The following RAB3GAP1 variants were observed in gnomAD, a reference collection of about 807,000 sequenced individuals.
RAB3GAP1 encodes rab3 GTPase-activating protein catalytic subunit.
RAB3GAP1 carries 86 observed loss-of-function variants against 130.7 expected under a neutral mutation model. The observed-to-expected ratio is 0.66, with a 90% confidence interval of 0.55 to 0.79. The LOEUF (loss-of-function observed/expected upper bound fraction) is 0.79, where lower values mean the gene tolerates loss of function less well. Ranked by LOEUF, RAB3GAP1 falls within the 30% of genes least tolerant of loss-of-function variation. The pLI is 0.00. For synonymous variants in RAB3GAP1, 367 were observed against 401.7 expected, an observed-to-expected ratio of 0.91 and a Z score of 1.03; for missense variants, 1,029 against 1,169.4, an observed-to-expected ratio of 0.88 and a Z score of 1.75.
intron 16 of RAB3GAP1, 24 bp downstream of exon 16, chr2:135,135,343 A>AT: frequency 6.4e-7 from 1 of 1,572,490 alleles, no homozygotes; most frequent in Non-Finnish European, 8.8e-7. Flanking sequence ...AATGACATGG[A>AT]TAAATGTGGT....
At chr2:135,124,667 AAAAAGAAAG>A (rs1376523621) in intron 9 of RAB3GAP1, among the ~76,000 whole-genome samples, 1 of 151,778 alleles carries the variant, frequency 6.6e-6, no homozygotes, top group Non-Finnish European at 1.5e-5. Context: ...TCCGTCTCAA[AAAAAGAAAG>A]AAAGACCTAC....
At chr2:135,080,113 T>G (rs1448381015) in intron 3 of RAB3GAP1, among the ~76,000 whole-genome samples, 2 of 95,920 alleles carry the variant, frequency 2.1e-5, no homozygotes, top group East Asian at 5.7e-4. Flanking sequence ...CGAGACTCCG[T>G]CTCAAAAAAA....
At chr2:135,152,256 AGGAGAG>A (rs1692197852) in intron 18 of RAB3GAP1, among the ~76,000 whole-genome samples, 1 of 152,218 alleles carries the variant, frequency 6.6e-6, no homozygotes, top group Non-Finnish European at 1.5e-5. Context: ...GAGTTCCAGA[AGGAGAG>A]GGTGGATTCT....
chr2:135,064,826 C>A (rs560912642), intron 3 of RAB3GAP1, among the ~76,000 whole-genome samples: 1 of 143,476 alleles, frequency 7.0e-6, no homozygotes, highest in Non-Finnish European at 1.5e-5. Context: ...AATGTAGAGA[C>A]GAAATGTAGT....
intron 5 of RAB3GAP1, among the ~76,000 whole-genome samples, chr2:135,098,376 A>T (rs1690359899): frequency 6.6e-6 from 1 of 152,164 alleles, no homozygotes; most frequent in African/African-American, 2.4e-5. Flanking sequence ...TTATCTTTTA[A>T]TTTCTCTTAA....
In RAB3GAP1 at chr2:135,135,287, C is replaced by G; in HGVS notation, c.1522C>G (p.Leu508Val). The change falls in exon 16 of 24, where the codon CTG becomes GTG. Residue 508 changes from leucine to valine, a missense_variant. Transcript: ENST00000264158. Reference sequence around the variant, plus strand: ...TAGATTAGCAAGTGGACCCCCAGATCTGAGGTGTTGTTTACTGCATCAGAA... The same window carrying G: ...TAGATTAGCAAGTGGACCCCCAGATGTGAGGTGTTGTTTACTGCATCAGAA... ...IPGLASGPPD[L>V]RCCLLHQKLQ... is the part of the protein sequence containing the mutation. 6.2e-7 allele frequency: 1 copy of G among 1,611,086 alleles called. No homozygotes were observed. The highest frequency in any genetic ancestry group is 8.5e-7 in the Non-Finnish European group (1 of 1,177,320).
intron 5 of RAB3GAP1, among the ~76,000 whole-genome samples, chr2:135,110,462 A>G (rs1690771370): frequency 1.3e-5 from 2 of 152,256 alleles, no homozygotes; most frequent in African/African-American, 4.8e-5. Context: ...ATTTGTCAGG[A>G]TTTGTGTATT....
intron 2 of RAB3GAP1, 55 bp from the exon 3 acceptor site, chr2:135,057,956 A>G (rs777308205): frequency 8.8e-6 from 11 of 1,246,210 alleles, no homozygotes; most frequent in East Asian, 4.8e-5. Context: ...AAATTACATA[A>G]TAATAGGAAA....
At chr2:135,157,304 C>T (rs977999118) in intron 19 of RAB3GAP1, among the ~76,000 whole-genome samples, 5 of 152,136 alleles carry the variant, frequency 3.3e-5, no homozygotes, top group African/African-American at 1.2e-4. Context: ...CAAGTGTGAG[C>T]CACTGTGCTA....
At chr2:135,061,753 A>G (rs534942276) in intron 3 of RAB3GAP1, among the ~76,000 whole-genome samples, 1 of 151,810 alleles carries the variant, frequency 6.6e-6, no homozygotes, top group South Asian at 2.1e-4. Flanking sequence ...TTTTTAATGC[A>G]TTTTTCTAGA....
intron 7 of RAB3GAP1, among the ~76,000 whole-genome samples, chr2:135,118,232 G>A (rs1378731783): frequency 6.6e-6 from 1 of 151,988 alleles, no homozygotes; most frequent in African/African-American, 2.4e-5. Flanking sequence ...GGACTACATT[G>A]ATCTGTGGAA....
intron 19 of RAB3GAP1, among the ~76,000 whole-genome samples, chr2:135,160,604 G>GC (rs1266794138): frequency 6.7e-6 from 1 of 150,174 alleles, no homozygotes; most frequent in African/African-American, 2.5e-5. Flanking sequence ...AGCCTGGGAG[G>GC]CGGAGGTTGT....
Position 135,129,729 on chromosome 2 carries a change from A to G in RAB3GAP1, c.974-266A>G, listed in dbSNP as rs572951722. Reference sequence around the variant, plus strand: ...CTCATTGAGGCATATAGTAAGTACTATTAGGTACAGTTATTTTTTTCTTTC... The same window carrying G: ...CTCATTGAGGCATATAGTAAGTACTGTTAGGTACAGTTATTTTTTTCTTTC... On this transcript the variant is annotated intron_variant, in intron 11 of 23. Transcript: ENST00000264158. Among the ~76,000 whole-genome samples the G allele has an allele frequency of 8.5e-5, 13 of 152,246 alleles. No individual in the cohort carries two copies. In the East Asian group the frequency reaches 2.3e-3, roughly 27 times the overall value.
At chr2:135,055,745 T>A (rs1688989652) in intron 2 of RAB3GAP1, among the ~76,000 whole-genome samples, 1 of 152,114 alleles carries the variant, frequency 6.6e-6, no homozygotes, top group Non-Finnish European at 1.5e-5. Context: ...GTTTTCACTA[T>A]AATAGTAATA....
At chr2:135,105,349 AGCCTGCCGAGT>A (rs1690568185) in intron 5 of RAB3GAP1, among the ~76,000 whole-genome samples, 1 of 150,858 alleles carries the variant, frequency 6.6e-6, no homozygotes, top group Admixed American at 6.6e-5. Context: ...CTCCTGCCTC[AGCCTGCCGAGT>A]GCCTGGGATT....
At chr2:135,161,487 C>T (rs989450748) in intron 19 of RAB3GAP1, among the ~76,000 whole-genome samples, 1 of 151,918 alleles carries the variant, frequency 6.6e-6, no homozygotes, top group Non-Finnish European at 1.5e-5. Context: ...TTTAAGGCTA[C>T]ATATGTGAAA....
At position 135,126,660 on chromosome 2, in the gene RAB3GAP1, AGGTATATT is replaced by A; in HGVS notation, c.973+5_973+12del. On this transcript the variant is annotated splice_donor_5th_base_variant and intron_variant, in intron 11 of 23. Coordinates refer to ENST00000264158, the MANE Select transcript of RAB3GAP1 (RefSeq NM_012233.3). ...GAGAATCCTCAGTGTTTGCTAGGTA[AGGTATATT>A]ATGCTCCTTTCCTGAAATACTGCTG... 1.9e-6 allele frequency: 3 copies of A among 1,604,726 alleles called. No homozygotes were observed. The South Asian group carries it at 3.3e-5, about 18-fold the overall frequency.
chr2:135,147,651 C>G (rs1213883018), intron 17 of RAB3GAP1, among the ~76,000 whole-genome samples: 2 of 135,024 alleles, frequency 1.5e-5, no homozygotes, highest in Non-Finnish European at 3.1e-5. Flanking sequence ...GGGTCTCACT[C>G]TGTTGCCCAG....
At chr2:135,110,472 T>G (rs1374507339) in intron 5 of RAB3GAP1, among the ~76,000 whole-genome samples, 4 of 152,176 alleles carry the variant, frequency 2.6e-5, no homozygotes, top group Non-Finnish European at 2.9e-5. Context: ...ATTTGTGTAT[T>G]TAGTAATGGC....
Sources: gnomAD v4.1 joint callset for allele counts (sites outside exome capture counted in the v4.1 genomes callset) on GRCh38, gnomAD v4.1.1 for gene constraint, MANE v1.5 for transcripts, NCBI Gene and HGNC (gene_info 2026-07-23, HGNC 2026-07-21) for gene names.